Variants in KNTC1 observed in about 807,000 individuals in gnomAD.
The protein encoded by KNTC1 is kinetochore associated 1, also known as kinetochore-associated protein 1.
In KNTC1, 253 loss-of-function variants were observed where a neutral mutation model predicts 314.4. The ratio of observed to expected loss-of-function variants is 0.80; its 90% CI spans 0.73 to 0.89. The LOEUF is 0.89. Ranked by LOEUF, KNTC1 falls within the 40% of genes least tolerant of loss-of-function variation. The pLI is 0.00. For missense variants in KNTC1, 2,475 were observed against 2,572.9 expected (o/e 0.96, Z 0.82); for synonymous variants, 901 against 901.4 (o/e 1.00, Z 0.01).
rs1871886262 is a variant in KNTC1 at position 122,601,438 on chromosome 12, A to G, written c.4564-98A>G. 10 of 1,091,428 alleles carry G rather than the reference A, an allele frequency of 9.2e-6. No homozygotes were observed. The South Asian group carries it at 1.7e-4, about 18-fold the overall frequency. The allele number at this position is 1,091,428 out of a possible 1,614,324, so 67.6% of individuals were successfully genotyped here. ...TAATTTAACAATGTAGTGCAGTGAC[A>G]TTTTTATATTTGTAATCTGTGCTGA... On this transcript the variant is annotated intron_variant, in intron 44 of 63. Coordinates refer to ENST00000333479, the MANE Select transcript of KNTC1 (RefSeq NM_014708.6).
At chr12:122,583,165 G>C (rs933713472) in intron 34 of KNTC1, among the ~76,000 whole-genome samples, 180 bp downstream of exon 34, 1 of 152,060 alleles carries the variant, frequency 6.6e-6, no homozygotes, top group Admixed American at 6.6e-5. Context: ...CAAAAAATTA[G>C]CCAGGCATGG....
chr12:122,596,343 A>G (rs1227936852), intron 43 of KNTC1, among the ~76,000 whole-genome samples: 1 of 151,826 alleles, frequency 6.6e-6, no homozygotes, highest in Non-Finnish European at 1.5e-5. Context: ...TCGACCTCCC[A>G]AAGTGCTAGG....
chr12:122,552,441 C>T (rs779223545), intron 16 of KNTC1, among the ~76,000 whole-genome samples: 40 of 152,096 alleles, frequency 2.6e-4, no homozygotes, highest in Non-Finnish European at 2.9e-4. Context: ...CACAGCTTAC[C>T]GCAGCCTTGA....
At chr12:122,616,932 T>C (rs1873828297) in intron 57 of KNTC1, among the ~76,000 whole-genome samples, 1 of 152,204 alleles carries the variant, frequency 6.6e-6, no homozygotes, top group South Asian at 2.1e-4. Flanking sequence ...CTAATTTACT[T>C]TCTGTCCATG....
chr12:122,584,861 G>A, intron 35 of KNTC1, 32 bp from the exon 36 acceptor site: 1 of 1,062,320 alleles, frequency 9.4e-7, no homozygotes, highest in Non-Finnish European at 1.4e-6. Flanking sequence ...CATGAAATAT[G>A]AGTTTAATGA....
At chr12:122,570,599 A>G (rs554408075) in intron 22 of KNTC1, among the ~76,000 whole-genome samples, 1 of 152,200 alleles carries the variant, frequency 6.6e-6, no homozygotes, top group Non-Finnish European at 1.5e-5. Flanking sequence ...AAAAATAACT[A>G]AAAGAGTGTA....
intron 20 of KNTC1, among the ~76,000 whole-genome samples, chr12:122,567,266 C>T (rs1283779399): frequency 1.3e-5 from 2 of 151,616 alleles, no homozygotes; most frequent in Non-Finnish European, 2.9e-5. Flanking sequence ...GACAGGGTTT[C>T]ACCATGTTGA....
chr12:122,620,382 A>C, intron 59 of KNTC1, 97 bp from the exon 60 acceptor site: 2 of 1,146,696 alleles, frequency 1.7e-6, no homozygotes, highest in Non-Finnish European at 2.4e-6. Context: ...AAAATTATTG[A>C]AAACTTGGAC....
chr12:122,626,114 C>T lies in KNTC1; in HGVS notation c.6607-91C>T. Reference sequence around the variant, plus strand: ...TAGTTTGATATGTAGATTTGTATCACTTCACTTAAGTTCTGTAGTTTATCT... The same window carrying T: ...TAGTTTGATATGTAGATTTGTATCATTTCACTTAAGTTCTGTAGTTTATCT... On this transcript the variant is annotated intron_variant, in intron 63 of 63. Transcript: ENST00000333479. 3.4e-6 allele frequency: 3 copies of T among 882,284 alleles called. No individual in the cohort carries two copies. In the South Asian group the frequency reaches 4.4e-5, roughly 13 times the overall value. 54.7% of individuals were successfully genotyped at this position (882,284 alleles called of 1,614,324 possible).
chr12:122,530,273 T>A, intron 2 of KNTC1, 81 bp downstream of exon 2: 1 of 1,255,618 alleles, frequency 8.0e-7, no homozygotes, highest in African/African-American at 1.5e-5. Flanking sequence ...CAGTAAATAT[T>A]TTGTGAATGA....
Position 122,624,620 on chromosome 12 carries a change from A to T in KNTC1, c.6538A>T (p.Ile2180Leu). The change falls in exon 63 of 64, where the codon ATA becomes TTA. Residue 2180 changes from isoleucine (I) to leucine (L), a missense_variant. Coordinates refer to ENST00000333479, the MANE Select transcript of KNTC1 (RefSeq NM_014708.6). ...TAGTTTAGATGAAGCTTCAGTCTTG[A>T]TAACTGAATATTCAAAGCACTGCGG... Reference protein sequence around the residue: ...DLSLDEASVLITEYSKHCGKP... With the variant: ...DLSLDEASVLLTEYSKHCGKP... 1 of 1,613,128 alleles carries T rather than the reference A, an allele frequency of 6.2e-7. No individual in the cohort carries two copies. Among genetic ancestry groups the T allele is most frequent in the African/African-American group, 1.3e-5 (1 of 75,016 alleles).
chr12:122,547,406 C>T lies in KNTC1; in HGVS notation c.817-9C>T. On this transcript the variant is annotated splice_polypyrimidine_tract_variant and intron_variant, in intron 10 of 63. Coordinates refer to ENST00000333479, the MANE Select transcript of KNTC1 (RefSeq NM_014708.6). The stretch of plus-strand genomic sequence containing the variant: ...AAAAGGACATGTAAATGAAATGTCT[C>T]TATTGCAGAACGTGCTGAGTTTATG... 6.5e-7 allele frequency: 1 copy of T among 1,539,142 alleles called. No homozygotes were observed. The highest frequency in any genetic ancestry group is 2.2e-5 in the East Asian group (1 of 44,450).
chr12:122,556,889 T>G (rs560428676), intron 16 of KNTC1, among the ~76,000 whole-genome samples: 2 of 151,764 alleles, frequency 1.3e-5, no homozygotes, highest in African/African-American at 4.8e-5. Flanking sequence ...TTTATCTGTG[T>G]TGTTGTTGGA....
chr12:122,537,253 G>A (rs1463660533), intron 3 of KNTC1, among the ~76,000 whole-genome samples: 2 of 152,020 alleles, frequency 1.3e-5, no homozygotes. Context: ...TAGTCATTTG[G>A]CTAACTTCCT....
intron 13 of KNTC1, among the ~76,000 whole-genome samples, chr12:122,550,341 A>G (rs779691811): frequency 1.3e-5 from 2 of 152,158 alleles, no homozygotes; most frequent in Non-Finnish European, 2.9e-5. Context: ...TTCTTCTACA[A>G]TGCAATTATC....
chr12:122,547,812 C>A, intron 11 of KNTC1, 103 bp from the exon 12 acceptor site: 1 of 668,780 alleles, frequency 1.5e-6, no homozygotes, highest in Non-Finnish European at 2.4e-6. Context: ...TAGTTTATAT[C>A]TTGTAATTGG....
intron 21 of KNTC1, 30 bp downstream of exon 21, chr12:122,568,402 G>A: frequency 8.5e-7 from 1 of 1,182,128 alleles, no homozygotes. Context: ...TTCCTTAACA[G>A]CTTTATAGCT....
intron 38 of KNTC1, 137 bp from the exon 39 acceptor site, chr12:122,587,574 T>A (rs1489615730): frequency 8.7e-6 from 5 of 575,266 alleles, no homozygotes; most frequent in Non-Finnish European, 1.4e-5. Context: ...TGTTAACTTC[T>A]CATTAACTAA....
At chr12:122,600,246 C>T (rs370259863) in intron 44 of KNTC1, among the ~76,000 whole-genome samples, 3 of 151,870 alleles carry the variant, frequency 2.0e-5, no homozygotes, top group Non-Finnish European at 2.9e-5. Flanking sequence ...ACTACAGGCA[C>T]GCACTACCAT....
Sources: gnomAD v4.1 joint callset for allele counts (sites outside exome capture counted in the v4.1 genomes callset) on GRCh38, gnomAD v4.1.1 for gene constraint, MANE v1.5 for transcripts, NCBI Gene and HGNC (gene_info 2026-07-23, HGNC 2026-07-21) for gene names.